The following ERAP1 variants were observed in gnomAD, a reference collection of about 807,000 sequenced individuals.
ERAP1 encodes the protein endoplasmic reticulum aminopeptidase 1, also known as adipocyte-derived leucine aminopeptidase.
Under a neutral mutation model 103.7 loss-of-function variants are expected in ERAP1, and 86 were observed. The observed-to-expected ratio is 0.83, with a 90% CI of 0.70 to 0.99. ERAP1 has a LOEUF of 0.99. ERAP1 is among the 50% of genes least tolerant of loss of function. The pLI is 0.00. For synonymous variants in ERAP1, 398 were observed against 402.4 expected, an observed-to-expected ratio of 0.99 and a Z score of 0.13; for missense variants, 1,009 against 1,128.4, an observed-to-expected ratio of 0.89 and a Z score of 1.52.
intron 2 of ERAP1, among the ~76,000 whole-genome samples, chr5:96,801,800 C>T (rs1353488773): frequency 1.5e-5 from 2 of 130,228 alleles, no homozygotes; most frequent in Admixed American, 8.8e-5. Context: ...TGCGGTGAGC[C>T]GAGTTCGCGC....
upstream of ERAP1, among the ~76,000 whole-genome samples, chr5:96,810,098 G>A (rs1001548417): frequency 2.6e-5 from 4 of 152,148 alleles, no homozygotes; most frequent in African/African-American, 9.7e-5. Context: ...TTCCCCAAAA[G>A]CTCACCCTGA....
At chr5:96,879,544 A>C in the ERAP1 span, 4 of 622,960 alleles carry the variant, frequency 6.4e-6, no homozygotes, top group African/African-American at 3.7e-5. Context: ...TCATGCTATA[A>C]GTGTGTTTTT....
chr5:96,766,683 A>G (rs937045536), intron 19 of ERAP1, among the ~76,000 whole-genome samples: 1 of 152,174 alleles, frequency 6.6e-6, no homozygotes, highest in Non-Finnish European at 1.5e-5. Flanking sequence ...CTCCCACATG[A>G]TAGAGGCCAG....
the ERAP1 span, among the ~76,000 whole-genome samples, chr5:96,835,450 T>C: frequency 6.6e-6 from 1 of 152,212 alleles, no homozygotes; most frequent in African/African-American, 2.4e-5. Flanking sequence ...CCAACCCTGT[T>C]GTCAGGATTT....
At chr5:96,789,326 A>G (rs1404658821) in intron 10 of ERAP1, among the ~76,000 whole-genome samples, 1 of 152,170 alleles carries the variant, frequency 6.6e-6, no homozygotes, top group Non-Finnish European at 1.5e-5. Context: ...ATCTCTACTA[A>G]GAATACAAAA....
the ERAP1 span, among the ~76,000 whole-genome samples, chr5:96,849,565 C>G: frequency 6.6e-6 from 1 of 152,068 alleles, no homozygotes; most frequent in South Asian, 2.1e-4. Context: ...AGTGAAAGAT[C>G]TGCATACTGA....
chr5:96,833,660 T>C, the ERAP1 span, among the ~76,000 whole-genome samples: 1 of 152,010 alleles, frequency 6.6e-6, no homozygotes, highest in Non-Finnish European at 1.5e-5. Context: ...TAGCCGAGCA[T>C]GGTGGTGCGT....
chr5:96,825,385 G>A, the ERAP1 span, among the ~76,000 whole-genome samples: 1 of 152,168 alleles, frequency 6.6e-6, no homozygotes, highest in Non-Finnish European at 1.5e-5. Flanking sequence ...GTGTCAGGGT[G>A]TGTTTTATGG....
the ERAP1 span, among the ~76,000 whole-genome samples, chr5:96,891,507 ATATATATAT>A: frequency 2.2e-5 from 1 of 45,804 alleles, no homozygotes; most frequent in African/African-American, 6.1e-5. Flanking sequence ...GTGTATATAT[ATATATATAT>A]GCCCATATAC....
chr5:96,806,903 GCTA>G (rs1462365760), intron 1 of ERAP1, among the ~76,000 whole-genome samples: 1 of 150,192 alleles, frequency 6.7e-6, no homozygotes, highest in Admixed American at 6.6e-5. Context: ...CTGAAAATGT[GCTA>G]CTTATACTAA....
chr5:96,786,428 C>A (rs1301947648), intron 12 of ERAP1, 42 bp downstream of exon 12: 6 of 1,316,954 alleles, frequency 4.6e-6, no homozygotes. Context: ...CACATTTTCA[C>A]ATTCCTCCTT....
intron 8 of ERAP1, among the ~76,000 whole-genome samples, chr5:96,791,509 C>G (rs1353560948): frequency 1.3e-5 from 2 of 152,136 alleles, no homozygotes; most frequent in East Asian, 3.9e-4. Context: ...CTTGATCTTA[C>G]AAAGAGAGAA....
intron 11 of ERAP1, among the ~76,000 whole-genome samples, chr5:96,788,049 T>TA (rs1750531114): frequency 1.3e-5 from 2 of 152,140 alleles, no homozygotes; most frequent in Admixed American, 6.5e-5. Context: ...CCATCCAGGG[T>TA]CAATCAAGTT....
chr5:96,762,258 T>G (rs1768246667), exon 20 of ERAP1: 1 of 1,576,814 alleles, frequency 6.3e-7, no homozygotes, highest in African/African-American at 1.4e-5. Context: ...ACTAATAAAA[T>G]TTTTTTCAAT....
chr5:96,916,411 C>T, the ERAP1 span, among the ~76,000 whole-genome samples: 1 of 148,906 alleles, frequency 6.7e-6, no homozygotes, highest in Non-Finnish European at 1.5e-5. Flanking sequence ...TGGAAGCGTA[C>T]TTAATGATCT....
the ERAP1 span, among the ~76,000 whole-genome samples, chr5:96,844,433 A>T: frequency 2.0e-5 from 3 of 152,238 alleles, no homozygotes; most frequent in South Asian, 6.2e-4. Flanking sequence ...CCAATAAGTT[A>T]TTATTGTTAT....
At chr5:96,832,423 T>C in the ERAP1 span, among the ~76,000 whole-genome samples, 5 of 152,218 alleles carry the variant, frequency 3.3e-5, no homozygotes, top group Admixed American at 3.3e-4. Context: ...TCGAATATTT[T>C]GGAAAGTCTT....
the ERAP1 span, chr5:96,902,487 A>G: frequency 1.7e-6 from 1 of 585,042 alleles, no homozygotes; most frequent in Non-Finnish European, 3.0e-6. Flanking sequence ...ATTTATCCAT[A>G]TGTTACTAAA....
the ERAP1 span, chr5:96,913,344 G>GT: frequency 6.2e-7 from 1 of 1,614,058 alleles, no homozygotes; most frequent in Middle Eastern, 1.6e-4. Context: ...TGGAAGGAAA[G>GT]GTTATCAAGA....
Sources: allele counts gnomAD v4.1 joint callset (sites outside exome capture counted in the v4.1 genomes callset), GRCh38; gene constraint gnomAD v4.1.1; transcripts MANE v1.5; gene names NCBI Gene and HGNC (gene_info 2026-07-23, HGNC 2026-07-21).